The following ME1 variants were observed in gnomAD, a reference collection of about 807,000 sequenced individuals.
The protein encoded by ME1 is malic enzyme 1.
A neutral mutation model predicts 66.4 loss-of-function variants in ME1; 74 were observed. That is an observed-to-expected ratio of 1.11 (90% CI 0.92 to 1.35). ME1 has a LOEUF of 1.35. ME1 is among the 40% of genes most tolerant of loss of function. The pLI, the probability that ME1 is intolerant of heterozygous loss-of-function variation, is 0.00. For missense variants in ME1, 750 were observed against 694.1 expected, an observed-to-expected ratio of 1.08 and a Z score of -0.90; for synonymous variants, 251 against 235.6, an observed-to-expected ratio of 1.07 and a Z score of -0.60.
At chr6:83,258,075 C>T (rs1766816411) in intron 6 of ME1, among the ~76,000 whole-genome samples, 2 of 152,106 alleles carry the variant, frequency 1.3e-5, no homozygotes, top group African/African-American at 4.8e-5. Context: ...GAAATCCCTA[C>T]AATATGGTTT....
intron 3 of ME1, among the ~76,000 whole-genome samples, chr6:83,359,658 G>C (rs1436133916): frequency 6.6e-6 from 1 of 152,186 alleles, no homozygotes; most frequent in African/African-American, 2.4e-5. Flanking sequence ...GGATCCAAAG[G>C]CTTAGGGAGA....
chr6:83,409,994 A>G (rs532472416), intron 1 of ME1, among the ~76,000 whole-genome samples: 1 of 152,296 alleles, frequency 6.6e-6, no homozygotes, highest in Admixed American at 6.5e-5. Flanking sequence ...AGATGGTACA[A>G]TCTGTCAGTC....
intron 6 of ME1, among the ~76,000 whole-genome samples, chr6:83,287,499 C>T (rs1262820785): frequency 6.6e-6 from 1 of 152,124 alleles, no homozygotes; most frequent in East Asian, 1.9e-4. Context: ...TTTTTTATGG[C>T]TGCGTAGTAT....
In ME1 at chr6:83,352,138, C is replaced by T; in HGVS notation, c.364G>A (p.Gly122Ser). 7.2e-7 allele frequency: 1 copy of T among 1,383,976 alleles called. No individual in the cohort carries two copies. The allele number at this position is 1,383,976 out of a possible 1,614,324, so 85.7% of individuals were successfully genotyped here. The change falls in exon 4 of 14, where the codon GGT becomes AGT. Residue 122 changes from glycine (G) to serine (S), a missense_variant and splice_region_variant. Coordinates refer to ENST00000369705, the MANE Select transcript of ME1 (RefSeq NM_002395.6). ...QYSLVFRKPR[G>S]LFITIHDRGH... is the part of the protein sequence containing the mutation. ...CGATCGTGGATAGTAATAAAGAGAC[C>T]TCTGCAGAAAAAAAAAAAAAAAAAG...
At chr6:83,331,444 G>A (rs774680800) in intron 5 of ME1, among the ~76,000 whole-genome samples, 25 of 151,888 alleles carry the variant, frequency 1.6e-4, no homozygotes, top group African/African-American at 4.6e-4. Context: ...AAAATTAGTC[G>A]GGCGTGGTGG....
chr6:83,366,883 C>T (rs1769110321), intron 3 of ME1, among the ~76,000 whole-genome samples: 1 of 152,206 alleles, frequency 6.6e-6, no homozygotes, highest in Non-Finnish European at 1.5e-5. Flanking sequence ...CACAAAAGTT[C>T]TCAATGCCAT....
intron 1 of ME1, among the ~76,000 whole-genome samples, chr6:83,408,515 TTCC>T (rs767851940): frequency 2.6e-5 from 4 of 152,224 alleles, no homozygotes; most frequent in Non-Finnish European, 4.4e-5. Context: ...CCTCAAATGC[TTCC>T]TCCTGTCTAA....
intron 1 of ME1, among the ~76,000 whole-genome samples, chr6:83,419,010 G>A (rs552635440): frequency 3.3e-4 from 50 of 152,272 alleles, no homozygotes; most frequent in African/African-American, 1.2e-3. Flanking sequence ...CAGGGAAAGC[G>A]TAGGGAAGGA....
chr6:83,357,933 C>CTATATATA (rs1768926544), intron 3 of ME1, among the ~76,000 whole-genome samples: 4 of 44,960 alleles, frequency 8.9e-5, no homozygotes, highest in African/African-American at 2.3e-4. Flanking sequence ...CTCTCTCTCT[C>CTATATATA]TCTATATATA....
At chr6:83,300,743 C>T (rs1767699755) in intron 6 of ME1, among the ~76,000 whole-genome samples, 1 of 150,540 alleles carries the variant, frequency 6.6e-6, no homozygotes, top group Non-Finnish European at 1.5e-5. Context: ...AAGACACAAG[C>T]ACACGTATGT....
At chr6:83,316,287 C>T (rs1358157952) in intron 5 of ME1, among the ~76,000 whole-genome samples, 1 of 151,730 alleles carries the variant, frequency 6.6e-6, no homozygotes, top group African/African-American at 2.4e-5. Context: ...AGAATGTTGC[C>T]CTGTGTAAAT....
intron 6 of ME1, among the ~76,000 whole-genome samples, chr6:83,294,763 C>T (rs565921948): frequency 2.6e-5 from 4 of 152,142 alleles, no homozygotes; most frequent in East Asian, 1.9e-4. Flanking sequence ...CAGTTCCCCC[C>T]GACTCCCCCT....
At chr6:83,356,619 G>GT (rs1439186381) in intron 3 of ME1, among the ~76,000 whole-genome samples, 2 of 152,066 alleles carry the variant, frequency 1.3e-5, no homozygotes, top group Non-Finnish European at 2.9e-5. Flanking sequence ...GATCTAACAG[G>GT]TAAGACAACC....
chr6:83,271,915 A>G (rs1326180925), intron 6 of ME1, among the ~76,000 whole-genome samples: 2 of 152,162 alleles, frequency 1.3e-5, no homozygotes, highest in Admixed American at 6.5e-5. Context: ...GGGGTACATG[A>G]GATATTTTGA....
intron 3 of ME1, among the ~76,000 whole-genome samples, chr6:83,357,147 A>C (rs1768906824): frequency 6.6e-6 from 1 of 152,224 alleles, no homozygotes; most frequent in Non-Finnish European, 1.5e-5. Context: ...AATATTACAG[A>C]AGTGATGCTG....
rs550748441 is a variant in ME1 at position 83,282,420 on chromosome 6, AAAAC to A, written c.705-28686_705-28683del. On this transcript the variant is annotated intron_variant, in intron 6 of 13. Coordinates refer to ENST00000369705, the MANE Select transcript of ME1 (RefSeq NM_002395.6). ...AAGAACTTAAACAAACTTACAAGAA[AAAAC>A]AAACAATCTCATCAAAAAGTGGGTG... Among the ~76,000 whole-genome samples the A allele has an allele frequency of 3.1e-3, 479 of 152,364 alleles. 3 individuals are homozygous for A. The highest frequency in any genetic ancestry group is 0.011 in the African/African-American group (453 of 41,592).
At chr6:83,379,324 C>T (rs1463542846) in intron 3 of ME1, among the ~76,000 whole-genome samples, 1 of 152,044 alleles carries the variant, frequency 6.6e-6, no homozygotes, top group African/African-American at 2.4e-5. Flanking sequence ...AAAGAAAGAA[C>T]TCCCCAATAT....
rs533742363 is a variant in ME1 at position 83,357,444 on chromosome 6, T to C, written c.363-5305A>G. The stretch of plus-strand genomic sequence containing the variant: ...TCTATTGCAAATATAATGTATCTGA[T>C]GGCCAAATTGTCCCAGGTTTGCCAG... On this transcript the variant is annotated intron_variant, in intron 3 of 13. Transcript: ENST00000369705. Among the ~76,000 whole-genome samples the C allele has an allele frequency of 8.5e-5, 13 of 152,344 alleles. No individual in the cohort carries two copies. In the East Asian group the frequency reaches 2.5e-3, roughly 29 times the overall value.
chr6:83,370,866 A>G (rs1171196611), intron 3 of ME1, among the ~76,000 whole-genome samples: 2 of 152,148 alleles, frequency 1.3e-5, no homozygotes, highest in Admixed American at 6.5e-5. Context: ...GAGACATTCT[A>G]TGATGGAAGT....
Sources: gnomAD v4.1 joint callset for allele counts (sites outside exome capture counted in the v4.1 genomes callset) on GRCh38, gnomAD v4.1.1 for gene constraint, MANE v1.5 for transcripts, NCBI Gene and HGNC (gene_info 2026-07-23, HGNC 2026-07-21) for gene names.